The following PTPN12 variants were observed in gnomAD, a reference collection of about 807,000 sequenced individuals.
The protein encoded by PTPN12 is tyrosine-protein phosphatase non-receptor type 12.
Under a neutral mutation model 97.6 loss-of-function variants are expected in PTPN12, and 29 were observed. The observed-to-expected ratio is 0.30, with a 90% CI of 0.22 to 0.41. PTPN12 has a LOEUF of 0.41. Among genes scored for constraint, PTPN12 ranks in the 10% least tolerant of loss-of-function variants. PTPN12 has a pLI of 1.00. For synonymous variants in PTPN12, 327 were observed against 300.4 expected, an observed-to-expected ratio of 1.09 and a Z score of -0.91; for missense variants, 819 against 926.0, an observed-to-expected ratio of 0.88 and a Z score of 1.50.
rs11394786 is a variant in PTPN12, at chr7:77,592,164, AT to A, written c.421-10del. 0.029 allele frequency: 33,328 copies of A among 1,137,564 alleles called. No homozygotes were observed. The highest frequency in any genetic ancestry group is 0.044 in the South Asian group (2,359 of 53,770). 70.5% of individuals were successfully genotyped at this position (1,137,564 alleles called of 1,614,324 possible). A position where few individuals can be genotyped will look rare whatever the true frequency, so the allele number is the denominator to read the frequency against. On this transcript the variant is annotated intron_variant, in intron 5 of 17. Coordinates refer to ENST00000248594, the MANE Select transcript of PTPN12 (RefSeq NM_002835.4). ...AAAAACTTACATGAATTACTTACTA[AT>A]TTTTTTTTTTGGATGACAGAAAAAA...
At chr7:77,549,978 A>G (rs989644763) in intron 1 of PTPN12, among the ~76,000 whole-genome samples, 11 of 152,172 alleles carry the variant, frequency 7.2e-5, no homozygotes, top group Non-Finnish European at 8.8e-5. Flanking sequence ...TTTCTTCACA[A>G]TAGGTTTTGC....
At position 77,573,097 on chromosome 7, in the gene PTPN12, C is replaced by CAAAAAAA. The variant is rs1383453267; in HGVS notation, c.208+1912_208+1918dup. On this transcript the variant is annotated intron_variant, in intron 2 of 17. Transcript: ENST00000248594. ...GACTCTATCTCAAAAAAAAAAAAAA[C>CAAAAAAA]AAAAAAACAAAAAAAACCAGTGTAC... 8.9e-4 allele frequency among the ~76,000 whole-genome samples: 43 copies of CAAAAAAA among 48,514 alleles called. 5 individuals carry two copies. Among genetic ancestry groups the CAAAAAAA allele is most frequent in the Admixed American group, 2.2e-3 (8 of 3,558 alleles). 31.8% of individuals were successfully genotyped at this position (48,514 alleles called of 152,430 possible).
At chr7:77,623,990 A>G (rs1276385064) in intron 12 of PTPN12, among the ~76,000 whole-genome samples, 1 of 151,904 alleles carries the variant, frequency 6.6e-6, no homozygotes, top group Non-Finnish European at 1.5e-5. Context: ...GCCAGGTACA[A>G]TGCCTCACAC....
At chr7:77,614,158 T>A (rs1452378766) in intron 11 of PTPN12, among the ~76,000 whole-genome samples, 2 of 152,172 alleles carry the variant, frequency 1.3e-5, no homozygotes, top group African/African-American at 4.8e-5. Flanking sequence ...GCACTGAGAT[T>A]ACAGGCATGA....
chr7:77,602,622 A>T (rs1020043204), intron 8 of PTPN12, among the ~76,000 whole-genome samples: 11 of 147,182 alleles, frequency 7.5e-5, no homozygotes, highest in African/African-American at 2.7e-4. Context: ...CTATCTTTTA[A>T]AAAAAAAAAA....
At chr7:77,562,210 C>T (rs1015393129) in intron 1 of PTPN12, among the ~76,000 whole-genome samples, 2 of 152,206 alleles carry the variant, frequency 1.3e-5, no homozygotes, top group East Asian at 1.9e-4. Context: ...CATGCCACCA[C>T]GCCCAGCTAA....
intron 1 of PTPN12, among the ~76,000 whole-genome samples, chr7:77,569,834 ATTTT>A (rs1252207040): frequency 1.3e-5 from 2 of 152,168 alleles, no homozygotes; most frequent in African/African-American, 4.8e-5. Flanking sequence ...TGTGTGTCCC[ATTTT>A]TATCTGGAGG....
At chr7:77,599,416 A>G (rs1259858049) in intron 7 of PTPN12, among the ~76,000 whole-genome samples, 1 of 145,322 alleles carries the variant, frequency 6.9e-6, no homozygotes, top group African/African-American at 2.6e-5. Flanking sequence ...CCACCTTCCT[A>G]GTATCTGAGA....
chr7:77,552,952 G>A (rs544359665), intron 1 of PTPN12, among the ~76,000 whole-genome samples: 1 of 152,330 alleles, frequency 6.6e-6, no homozygotes, highest in East Asian at 1.9e-4. Context: ...AGGGCATTAA[G>A]TGAGAAGTTA....
rs1187125746 is a variant in PTPN12, at chr7:77,597,832, C to T, written c.493-10C>T. ...TTTTCACTGACTTAGAAATGTTTCTCTTTATTTAGGAGGATGAACAAGCAA... is the reference window on the plus strand; with the variant it reads ...TTTTCACTGACTTAGAAATGTTTCTTTTTATTTAGGAGGATGAACAAGCAA... On this transcript the variant is annotated splice_polypyrimidine_tract_variant and intron_variant, in intron 6 of 17. Coordinates refer to ENST00000248594, the MANE Select transcript of PTPN12 (RefSeq NM_002835.4). 3.7e-6 allele frequency: 6 copies of T among 1,603,554 alleles called. No individual in the cohort carries two copies. The highest frequency in any genetic ancestry group is 3.4e-6 in the Non-Finnish European group (4 of 1,176,128).
At chr7:77,623,579 C>T (rs1352133398) in intron 12 of PTPN12, among the ~76,000 whole-genome samples, 3 of 152,220 alleles carry the variant, frequency 2.0e-5, no homozygotes, top group African/African-American at 7.2e-5. Context: ...GGCGTCATGG[C>T]GCGTGCCTAT....
intron 17 of PTPN12, 160 bp from the exon 18 acceptor site, chr7:77,639,059 A>G: frequency 3.0e-6 from 2 of 670,092 alleles, no homozygotes; most frequent in Non-Finnish European, 4.6e-6. Flanking sequence ...AAATAAATTT[A>G]CAATTGTTTT....
At chr7:77,594,837 G>A (rs73706216) in intron 6 of PTPN12, among the ~76,000 whole-genome samples, 17 of 152,244 alleles carry the variant, frequency 1.1e-4, no homozygotes, top group African/African-American at 4.1e-4. Flanking sequence ...TAACTATAGT[G>A]AATATTATAA....
intron 1 of PTPN12, among the ~76,000 whole-genome samples, chr7:77,548,577 A>T (rs1203116299): frequency 6.6e-6 from 1 of 152,234 alleles, no homozygotes; most frequent in African/African-American, 2.4e-5. Flanking sequence ...AGGAAAGCAG[A>T]TGCTTTTTAT....
At chr7:77,598,967 C>T (rs1282015270) in intron 7 of PTPN12, among the ~76,000 whole-genome samples, 1 of 150,984 alleles carries the variant, frequency 6.6e-6, no homozygotes, top group Non-Finnish European at 1.5e-5. Context: ...ATAAAACAAG[C>T]TATATAAATA....
chr7:77,549,276 TA>T (rs1028331388), intron 1 of PTPN12, among the ~76,000 whole-genome samples: 11 of 152,144 alleles, frequency 7.2e-5, no homozygotes, highest in African/African-American at 2.7e-4. Flanking sequence ...AAAAAAAATT[TA>T]CTATTTTAAG....
intron 1 of PTPN12, among the ~76,000 whole-genome samples, chr7:77,570,034 ATT>A (rs1808409009): frequency 6.6e-6 from 1 of 152,198 alleles, no homozygotes; most frequent in African/African-American, 2.4e-5. Context: ...GGAGAACTCT[ATT>A]ACCACAGGAA....
At chr7:77,571,868 A>G (rs993327059) in intron 2 of PTPN12, among the ~76,000 whole-genome samples, 6 of 152,082 alleles carry the variant, frequency 3.9e-5, no homozygotes, top group African/African-American at 1.4e-4. Flanking sequence ...TGTATTCTTA[A>G]ATAGCACAGT....
intron 9 of PTPN12, among the ~76,000 whole-genome samples, chr7:77,609,608 C>T (rs2151375124): frequency 6.8e-6 from 1 of 147,622 alleles, no homozygotes; most frequent in East Asian, 2.3e-4. Flanking sequence ...TGGCTGGGCG[C>T]GGTGGCTCAC....
Sources: allele counts gnomAD v4.1 joint callset (sites outside exome capture counted in the v4.1 genomes callset), GRCh38; gene constraint gnomAD v4.1.1; transcripts MANE v1.5; gene names NCBI Gene and HGNC (gene_info 2026-07-23, HGNC 2026-07-21).